The following ANKIB1 variants were observed in gnomAD, a reference collection of about 807,000 sequenced individuals.
ANKIB1 encodes ankyrin repeat and IBR domain-containing protein 1.
Under a neutral mutation model 122.1 loss-of-function variants are expected in ANKIB1, and 43 were observed. That is an observed-to-expected ratio of 0.35 (90% CI 0.28 to 0.45). ANKIB1 has a LOEUF of 0.45. Among genes scored for constraint, ANKIB1 ranks in the 20% least tolerant of loss-of-function variants. The probability of loss-of-function intolerance (pLI) is 1.00; values close to 1 mark genes in which losing one functional copy is unlikely to be tolerated. For synonymous variants in ANKIB1, 390 were observed against 442.0 expected (o/e 0.88, Z 1.48); for missense variants, 992 against 1,329.5 (o/e 0.75, Z 3.95).
At chr7:92,345,674 G>T (rs1803522504) in intron 7 of ANKIB1, among the ~76,000 whole-genome samples, 1 of 152,120 alleles carries the variant, frequency 6.6e-6, no homozygotes, top group Non-Finnish European at 1.5e-5. Flanking sequence ...TCTAAACAAA[G>T]ATTGCTATAA....
rs369182992 is a variant in ANKIB1, at chr7:92,395,965, A to G, written c.2284-400A>G. On this transcript the variant is annotated intron_variant, in intron 17 of 19. Transcript: ENST00000265742. ...GAAGTTCAAGACCAGCCTAAGCAAC[A>G]TAGCAAGACTCTGACTCTAAAAATA... The G allele has an allele frequency of 1.5e-3, 326 of 213,158 alleles. 1 individual carries two copies. The highest frequency in any genetic ancestry group is 7.1e-3 in the African/African-American group (297 of 41,948). 13.2% of individuals were successfully genotyped at this position (213,158 alleles called of 1,614,324 possible). A position where few individuals can be genotyped will look rare whatever the true frequency, so the allele number is the denominator to read the frequency against.
chr7:92,328,623 T>G (rs1012160241), intron 5 of ANKIB1, among the ~76,000 whole-genome samples: 5 of 151,996 alleles, frequency 3.3e-5, no homozygotes, highest in Non-Finnish European at 7.4e-5. Context: ...TTTAAAAATA[T>G]TCTTAAAAAG....
At chr7:92,370,553 G>A (rs1234779303) in intron 10 of ANKIB1, among the ~76,000 whole-genome samples, 1 of 148,350 alleles carries the variant, frequency 6.7e-6, no homozygotes, top group Non-Finnish European at 1.5e-5. Flanking sequence ...TGGTTAATGG[G>A]GACAAACATA....
chr7:92,301,117 G>GT (rs770824061), intron 2 of ANKIB1, among the ~76,000 whole-genome samples: 163 of 152,120 alleles, frequency 1.1e-3, no homozygotes, highest in African/African-American at 3.8e-3. Context: ...GGTTGTTTCT[G>GT]TATCTTATCT....
At chr7:92,268,308 A>T (rs1349365838) in intron 1 of ANKIB1, among the ~76,000 whole-genome samples, 2 of 152,216 alleles carry the variant, frequency 1.3e-5, no homozygotes, top group African/African-American at 4.8e-5. Context: ...TTAATAGAGA[A>T]GTGATGGAAC....
chr7:92,390,242 T>C, intron 15 of ANKIB1, 126 bp downstream of exon 15: 1 of 776,876 alleles, frequency 1.3e-6, no homozygotes, highest in East Asian at 3.2e-5. Flanking sequence ...TTTCATTTTT[T>C]AAATGGTTTT....
At chr7:92,314,360 A>AG in intron 3 of ANKIB1, among the ~76,000 whole-genome samples, 1 of 152,108 alleles carries the variant, frequency 6.6e-6, no homozygotes, top group African/African-American at 2.4e-5. Context: ...AAATATGATG[A>AG]GATTAGCCTG....
intron 9 of ANKIB1, among the ~76,000 whole-genome samples, chr7:92,354,754 T>A (rs1803751025): frequency 6.6e-6 from 1 of 152,176 alleles, no homozygotes; most frequent in African/African-American, 2.4e-5. Context: ...TTTTAAAATC[T>A]AAGTGGAAAT....
intron 1 of ANKIB1, among the ~76,000 whole-genome samples, chr7:92,278,332 G>A (rs1467979576): frequency 6.6e-6 from 1 of 152,148 alleles, no homozygotes; most frequent in Non-Finnish European, 1.5e-5. Flanking sequence ...CTGCTGTCTC[G>A]TAGTCAGGGC....
chr7:92,379,156 C>T (rs776935913), intron 11 of ANKIB1, among the ~76,000 whole-genome samples: 14 of 152,152 alleles, frequency 9.2e-5, no homozygotes, highest in Non-Finnish European at 1.0e-4. Flanking sequence ...TTTGGGAGGC[C>T]GAGACAGGCA....
Position 92,399,068 on chromosome 7 carries a change from G to A in ANKIB1, c.*119G>A. Reference sequence around the variant, plus strand: ...CTCAGTGATAAACCACTGACATTAGGGTTGAATACAGAGAAGTTCCCTTGA... The same window carrying A: ...CTCAGTGATAAACCACTGACATTAGAGTTGAATACAGAGAAGTTCCCTTGA... On this transcript the variant is annotated 3_prime_UTR_variant, in exon 20 of 20. Transcript: ENST00000265742. The A allele has an allele frequency of 8.5e-7, 1 of 1,169,638 alleles. No individual in the cohort carries two copies. The highest frequency in any genetic ancestry group is 2.8e-5 in the East Asian group (1 of 35,424). The allele number at this position is 1,169,638 out of a possible 1,614,324, so 72.5% of individuals were successfully genotyped here.
intron 2 of ANKIB1, among the ~76,000 whole-genome samples, chr7:92,306,476 A>G (rs1210241673): frequency 6.6e-6 from 1 of 152,122 alleles, no homozygotes; most frequent in Non-Finnish European, 1.5e-5. Context: ...CTCCCCTCAG[A>G]AAGTATTATA....
chr7:92,366,057 G>T (rs1255073892), intron 10 of ANKIB1, among the ~76,000 whole-genome samples: 1 of 151,922 alleles, frequency 6.6e-6, no homozygotes, highest in Non-Finnish European at 1.5e-5. Flanking sequence ...CTCCCAAAGT[G>T]CTGGGATTAC....
In ANKIB1 at chr7:92,294,898, G is replaced by T. The variant is rs1802322621; in HGVS notation, c.-81G>T. On this transcript the variant is annotated 5_prime_UTR_variant, in exon 2 of 20. Coordinates refer to ENST00000265742, the MANE Select transcript of ANKIB1 (RefSeq NM_019004.2). The stretch of plus-strand genomic sequence containing the variant: ...ACTTTTCCTTCATTAGAATGTGAAA[G>T]ATGTTGCAGAAGTGTTCCAGAAGTG... 1.1e-6 allele frequency: 1 copy of T among 949,034 alleles called. No homozygotes were observed. The highest frequency in any genetic ancestry group is 1.5e-6 in the Non-Finnish European group (1 of 665,402). The allele number at this position is 949,034 out of a possible 1,614,324, so 58.8% of individuals were successfully genotyped here. A position where few individuals can be genotyped will look rare whatever the true frequency, so the allele number is the denominator to read the frequency against.
intron 18 of ANKIB1, among the ~76,000 whole-genome samples, 158 bp from the exon 19 acceptor site, chr7:92,397,565 T>C (rs773289592): frequency 4.0e-5 from 6 of 151,798 alleles, no homozygotes; most frequent in Admixed American, 3.9e-4. Context: ...AAGACAAATA[T>C]GGATGAGAAA....
At chr7:92,378,671 A>C (rs1804442033) in intron 11 of ANKIB1, among the ~76,000 whole-genome samples, 2 of 152,176 alleles carry the variant, frequency 1.3e-5, no homozygotes, top group Admixed American at 6.5e-5. Flanking sequence ...TATTATTAAC[A>C]TTAGATTGAA....
Position 92,398,715 on chromosome 7 carries a change from G to A in ANKIB1, c.3036G>A (p.Lys1012=). 1 of 1,613,704 alleles carries A rather than the reference G, an allele frequency of 6.2e-7. No homozygotes were observed. The highest frequency in any genetic ancestry group is 8.5e-7 in the Non-Finnish European group (1 of 1,179,734). The change falls in exon 20 of 20, where the codon AAG becomes AAA. Residue 1012 remains lysine, a synonymous_variant. Coordinates refer to ENST00000265742, the MANE Select transcript of ANKIB1 (RefSeq NM_019004.2). ...TCAAAGATGGGTCAGAAGGTGTGAA[G>A]GATGTGGAACTGGTGCTGCCAGAAG... ...PCIKDGSEGV[K]DVELVLPEDS...
Position 92,400,973 on chromosome 7 carries a change from C to T in ANKIB1, c.*2024C>T, listed in dbSNP as rs1219722520. The stretch of plus-strand genomic sequence containing the variant: ...CACACTGAGGCATCTTGCACAGCTG[C>T]AGTTAAGGTGAGAAAGAATGCTCTG... On this transcript the variant is annotated 3_prime_UTR_variant, in exon 20 of 20. Transcript: ENST00000265742. 6.6e-6 allele frequency: 1 copy of T among 152,184 alleles called. No homozygotes were observed. Among genetic ancestry groups the T allele is most frequent in the African/African-American group, 2.4e-5 (1 of 41,432 alleles). 9.4% of individuals were successfully genotyped at this position (152,184 alleles called of 1,614,324 possible). A position where few individuals can be genotyped will look rare whatever the true frequency, so the allele number is the denominator to read the frequency against.
At chr7:92,274,118 G>A (rs1002290132) in intron 1 of ANKIB1, among the ~76,000 whole-genome samples, 2 of 151,910 alleles carry the variant, frequency 1.3e-5, no homozygotes, top group Non-Finnish European at 2.9e-5. Flanking sequence ...TTCCAGTCAA[G>A]AATTTATTTT....
Sources: allele counts gnomAD v4.1 joint callset (sites outside exome capture counted in the v4.1 genomes callset), GRCh38; gene constraint gnomAD v4.1.1; transcripts MANE v1.5; gene names NCBI Gene and HGNC (gene_info 2026-07-23, HGNC 2026-07-21).